The following GABBR2 variants were observed in gnomAD, a reference collection of about 807,000 sequenced individuals.
GABBR2 encodes gamma-aminobutyric acid type B receptor subunit 2, also known as G-protein coupled receptor 51.
In GABBR2, 23 loss-of-function variants were observed where a neutral mutation model predicts 105.6. The observed-to-expected ratio is 0.22, with a 90% CI of 0.16 to 0.31. The LOEUF (loss-of-function observed/expected upper bound fraction) is 0.31. Ranked by LOEUF, GABBR2 falls within the 10% of genes least tolerant of loss-of-function variation. The probability of loss-of-function intolerance (pLI) is 1.00; values close to 1 mark genes in which losing one functional copy is unlikely to be tolerated. For missense variants in GABBR2, 734 were observed against 1,245.5 expected (o/e 0.59, Z 6.18); for synonymous variants, 478 against 499.7 (o/e 0.96, Z 0.58).
intron 4 of GABBR2, among the ~76,000 whole-genome samples, chr9:98,490,208 AAATGGTTAAAAT>A (rs1564090641): frequency 6.6e-6 from 1 of 152,228 alleles, no homozygotes; most frequent in Non-Finnish European, 1.5e-5. Flanking sequence ...GAACACTTAA[AAATGGTTAAAAT>A]GGTAAATTTT....
rs1285825958 is a variant in GABBR2, at chr9:98,454,540, T to C, written c.1000-323A>G. ...TACACCCTAACCAGGCCTTTGCCTC[T>C]AAACTTGCAGGGCCTGGGGTGAGGT... On this transcript the variant is annotated intron_variant, in intron 6 of 18. Transcript: ENST00000259455. The surrounding 1 kb of genome is among the most constrained non-coding windows in gnomAD (Gnocchi z 4.6). 1.3e-5 allele frequency among the ~76,000 whole-genome samples: 2 copies of C among 152,212 alleles called. No individual in the cohort carries two copies. Among genetic ancestry groups the C allele is most frequent in the African/African-American group, 2.4e-5 (1 of 41,450 alleles).
chr9:98,520,556 C>A (rs73488456), intron 3 of GABBR2, among the ~76,000 whole-genome samples: 6 of 152,324 alleles, frequency 3.9e-5, no homozygotes, highest in South Asian at 2.1e-4. Flanking sequence ...GCCTCTGCAA[C>A]CCCCTCCCCA....
chr9:98,685,801 T>C (rs1830613079), intron 1 of GABBR2, among the ~76,000 whole-genome samples: 2 of 152,176 alleles, frequency 1.3e-5, no homozygotes, highest in Admixed American at 6.5e-5. Context: ...CAAGAGATCC[T>C]CCTACGTCAG....
intron 2 of GABBR2, among the ~76,000 whole-genome samples, chr9:98,542,882 A>G (rs969149356): frequency 3.3e-5 from 5 of 151,680 alleles, no homozygotes; most frequent in Admixed American, 6.5e-5. Flanking sequence ...ATCCTATTTT[A>G]GGAGTTACTT....
intron 1 of GABBR2, among the ~76,000 whole-genome samples, chr9:98,661,221 C>T (rs1008427263): frequency 3.3e-5 from 5 of 152,178 alleles, no homozygotes; most frequent in African/African-American, 1.2e-4. Flanking sequence ...AGATTCTTAA[C>T]TCATTACATC....
chr9:98,551,730 T>C (rs1352657607), intron 2 of GABBR2, among the ~76,000 whole-genome samples: 1 of 152,198 alleles, frequency 6.6e-6, no homozygotes, highest in Non-Finnish European at 1.5e-5. Flanking sequence ...AGCACCTGAA[T>C]GCAGAGAGAA....
At chr9:98,532,612 G>A (rs1282864677) in intron 3 of GABBR2, among the ~76,000 whole-genome samples, 1 of 152,140 alleles carries the variant, frequency 6.6e-6, no homozygotes, top group African/African-American at 2.4e-5. Flanking sequence ...GAGCACAGTG[G>A]TCCCACCTGA....
chr9:98,490,254 T>TA (rs143353801), intron 4 of GABBR2, among the ~76,000 whole-genome samples: 71 of 149,792 alleles, frequency 4.7e-4, no homozygotes, highest in African/African-American at 1.6e-3. Context: ...TTTACTACAA[T>TA]AAAAAAAAAG....
intron 1 of GABBR2, among the ~76,000 whole-genome samples, chr9:98,682,751 TAAGC>T (rs1240940070): frequency 1.3e-5 from 2 of 152,136 alleles, no homozygotes; most frequent in Non-Finnish European, 2.9e-5. Flanking sequence ...TTTTAAAAAA[TAAGC>T]AAGAGATACA....
intron 17 of GABBR2, among the ~76,000 whole-genome samples, chr9:98,297,440 G>A (rs774677025): frequency 1.3e-5 from 2 of 151,412 alleles, no homozygotes; most frequent in Admixed American, 6.6e-5. Flanking sequence ...GTGAAACCCC[G>A]TCTCTACTAA....
intron 7 of GABBR2, among the ~76,000 whole-genome samples, chr9:98,437,500 C>A (rs1023724483): frequency 3.3e-5 from 5 of 151,266 alleles, no homozygotes; most frequent in Non-Finnish European, 4.4e-5. Flanking sequence ...TCCACCTACC[C>A]ACACATCCAT....
intron 2 of GABBR2, among the ~76,000 whole-genome samples, chr9:98,568,441 C>T (rs532883144): frequency 1.5e-4 from 23 of 152,276 alleles, no homozygotes; most frequent in South Asian, 8.3e-4. Context: ...ACAGGCTGGA[C>T]GTGGTTTTCA....
At chr9:98,410,270 T>G (rs1054439495) in intron 7 of GABBR2, among the ~76,000 whole-genome samples, 2 of 152,104 alleles carry the variant, frequency 1.3e-5, no homozygotes, top group African/African-American at 4.8e-5. Flanking sequence ...TTGAGACCAA[T>G]CCAGGTGATG....
intron 3 of GABBR2, chr9:98,538,582 G>A: frequency 1.0e-6 from 1 of 983,284 alleles, no homozygotes; most frequent in Non-Finnish European, 1.2e-6. Context: ...CACAGGAGCA[G>A]CTGGTCCCCA....
intron 11 of GABBR2, among the ~76,000 whole-genome samples, chr9:98,374,495 A>G (rs1300880876): frequency 6.6e-6 from 1 of 152,190 alleles, no homozygotes; most frequent in Non-Finnish European, 1.5e-5. Context: ...CCCCTCAATG[A>G]TAAGAGCAGC....
intron 4 of GABBR2, among the ~76,000 whole-genome samples, chr9:98,495,013 C>T (rs1328831624): frequency 6.6e-6 from 1 of 152,218 alleles, no homozygotes; most frequent in Non-Finnish European, 1.5e-5. Flanking sequence ...CCCAACCCTG[C>T]CCCAGATGCT....
chr9:98,652,672 TC>T (rs1433944695), intron 1 of GABBR2, among the ~76,000 whole-genome samples: 1 of 152,204 alleles, frequency 6.6e-6, no homozygotes. Context: ...CTAAAGCCTT[TC>T]CCCCCAGTGG....
intron 12 of GABBR2, among the ~76,000 whole-genome samples, chr9:98,370,837 A>G (rs537072099): frequency 1.3e-5 from 2 of 152,100 alleles, no homozygotes; most frequent in African/African-American, 4.8e-5. Flanking sequence ...TCTATACCAA[A>G]CCGCACGGGT....
chr9:98,644,873 T>G (rs78914165), intron 1 of GABBR2, among the ~76,000 whole-genome samples: 3 of 152,160 alleles, frequency 2.0e-5, no homozygotes, highest in Admixed American at 6.5e-5. Flanking sequence ...ACTGGGAATG[T>G]AACATTCTGA....
Sources: allele counts gnomAD v4.1 joint callset (sites outside exome capture counted in the v4.1 genomes callset), GRCh38; gene constraint gnomAD v4.1.1; non-coding constraint Gnocchi (gnomAD v3.1); transcripts MANE v1.5; gene names NCBI Gene and HGNC (gene_info 2026-07-23, HGNC 2026-07-21).